Variants in CADPS2 observed in about 807,000 individuals in gnomAD.
CADPS2 encodes the protein calcium dependent secretion activator 2, also known as calcium-dependent secretion activator 2.
CADPS2 carries 93 observed loss-of-function variants against 172.5 expected under a neutral mutation model. The ratio of observed to expected loss-of-function variants is 0.54; its 90% confidence interval spans 0.46 to 0.64. The LOEUF is 0.64. Ranked by LOEUF, CADPS2 falls within the 30% of genes least tolerant of loss-of-function variation. CADPS2 has a pLI of 0.00. For missense variants in CADPS2, 1,420 were observed against 1,565.9 expected, an observed-to-expected ratio of 0.91 and a Z score of 1.57; for synonymous variants, 546 against 555.2, an observed-to-expected ratio of 0.98 and a Z score of 0.23.
intron 3 of CADPS2, among the ~76,000 whole-genome samples, chr7:122,645,725 CG>C (rs2078475364): frequency 7.4e-6 from 1 of 135,184 alleles, no homozygotes; most frequent in Non-Finnish European, 1.6e-5. Context: ...AAAAAAACTG[CG>C]GTAATAAAGA....
intron 2 of CADPS2, among the ~76,000 whole-genome samples, chr7:122,734,981 T>A (rs1307648816): frequency 6.6e-6 from 1 of 152,166 alleles, no homozygotes; most frequent in African/African-American, 2.4e-5. Context: ...TCTGTAAAAA[T>A]CCTAGCAGGT....
chr7:122,588,455 A>G (rs1409954310), intron 6 of CADPS2, among the ~76,000 whole-genome samples: 1 of 151,960 alleles, frequency 6.6e-6, no homozygotes, highest in Non-Finnish European at 1.5e-5. Context: ...TAAATAGGTA[A>G]TCCTTTCCCC....
At chr7:122,688,769 G>A (rs200914703) in intron 2 of CADPS2, among the ~76,000 whole-genome samples, 3 of 17,910 alleles carry the variant, frequency 1.7e-4, no homozygotes, top group South Asian at 2.4e-3. Context: ...TTGTGGTAAC[G>A]GGGAGTTATA....
intron 20 of CADPS2, among the ~76,000 whole-genome samples, chr7:122,399,047 C>T (rs937637555): frequency 6.6e-6 from 1 of 152,046 alleles, no homozygotes; most frequent in African/African-American, 2.4e-5. Context: ...CCTAAAACCA[C>T]ACCCAGTTCT....
At chr7:122,463,862 A>G (rs966161315) in intron 14 of CADPS2, among the ~76,000 whole-genome samples, 8 of 152,186 alleles carry the variant, frequency 5.3e-5, no homozygotes, top group African/African-American at 1.7e-4. Context: ...TCACTGTTGA[A>G]AAGATAAGTT....
chr7:122,593,761 A>C (rs2071289533), intron 6 of CADPS2, among the ~76,000 whole-genome samples: 1 of 152,130 alleles, frequency 6.6e-6, no homozygotes, highest in African/African-American at 2.4e-5. Flanking sequence ...ACGTCAACTA[A>C]CAGCAAAACA....
At chr7:122,464,193 C>A (rs2054841466) in intron 14 of CADPS2, among the ~76,000 whole-genome samples, 1 of 152,104 alleles carries the variant, frequency 6.6e-6, no homozygotes, top group South Asian at 2.1e-4. Context: ...TTGCCAGAAA[C>A]TAAGAAAGTG....
intron 11 of CADPS2, among the ~76,000 whole-genome samples, chr7:122,486,243 A>G (rs2057801689): frequency 6.6e-6 from 1 of 152,042 alleles, no homozygotes; most frequent in South Asian, 2.1e-4. Flanking sequence ...AGTAATTCCT[A>G]TGAGACATCT....
intron 7 of CADPS2, among the ~76,000 whole-genome samples, chr7:122,580,485 A>G (rs2068665048): frequency 1.3e-5 from 2 of 151,698 alleles, no homozygotes; most frequent in Admixed American, 1.3e-4. Flanking sequence ...AAAAATTCAC[A>G]TTACAGAAGA....
At chr7:122,500,843 T>C (rs1010173011) in intron 9 of CADPS2, among the ~76,000 whole-genome samples, 4 of 152,192 alleles carry the variant, frequency 2.6e-5, no homozygotes, top group African/African-American at 9.6e-5. Context: ...ATTTTATATA[T>C]TAGTACTTGG....
At chr7:122,349,384 T>C (rs2038188719) in intron 27 of CADPS2, among the ~76,000 whole-genome samples, 1 of 152,170 alleles carries the variant, frequency 6.6e-6, no homozygotes, top group African/African-American at 2.4e-5. Context: ...ATTTTTTTCA[T>C]ACTCCCATTT....
intron 2 of CADPS2, among the ~76,000 whole-genome samples, chr7:122,713,159 A>C (rs575546032): frequency 1.2e-4 from 19 of 152,110 alleles, no homozygotes; most frequent in Admixed American, 5.2e-4. Context: ...TTCAGATCTG[A>C]TGGAGCTTTA....
chr7:122,611,174 A>G (rs1256230100), intron 6 of CADPS2, among the ~76,000 whole-genome samples: 1 of 152,172 alleles, frequency 6.6e-6, no homozygotes, highest in Non-Finnish European at 1.5e-5. Context: ...ATGAGAGCAA[A>G]CTAAACCTAA....
intron 1 of CADPS2, among the ~76,000 whole-genome samples, chr7:122,777,730 G>C (rs2093929118): frequency 6.7e-6 from 1 of 150,264 alleles, no homozygotes; most frequent in Admixed American, 6.6e-5. Flanking sequence ...GCCACCTTGA[G>C]AAGAAGAGCA....
chr7:122,844,355 A>G (rs1348654982), intron 1 of CADPS2, among the ~76,000 whole-genome samples: 3 of 152,180 alleles, frequency 2.0e-5, no homozygotes, highest in Non-Finnish European at 4.4e-5. Flanking sequence ...TTGACTCCAA[A>G]TGAGATACTC....
intron 1 of CADPS2, among the ~76,000 whole-genome samples, chr7:122,823,132 A>AT (rs937085570): frequency 1.1e-4 from 16 of 152,260 alleles, no homozygotes; most frequent in African/African-American, 3.4e-4. Context: ...GTCTATTCAG[A>AT]TCTTTTGTAC....
chr7:122,350,444 TCTC>T (rs370297573), intron 27 of CADPS2, among the ~76,000 whole-genome samples: 158 of 152,324 alleles, frequency 1.0e-3, no homozygotes, highest in African/African-American at 3.7e-3. Flanking sequence ...TGAATAAAAA[TCTC>T]CTGAAATTTT....
intron 2 of CADPS2, among the ~76,000 whole-genome samples, chr7:122,704,992 A>C (rs1336761689): frequency 6.6e-6 from 1 of 152,072 alleles, no homozygotes; most frequent in East Asian, 1.9e-4. Context: ...CTAATGAAAC[A>C]GCCTGAGGAG....
chr7:122,435,527 C>A (rs934638216), intron 17 of CADPS2, among the ~76,000 whole-genome samples: 3 of 152,008 alleles, frequency 2.0e-5, no homozygotes, highest in Non-Finnish European at 4.4e-5. Flanking sequence ...ATAGCAAGTA[C>A]TGGCAAGGAT....
Sources: gnomAD v4.1 joint callset for allele counts (sites outside exome capture counted in the v4.1 genomes callset) on GRCh38, gnomAD v4.1.1 for gene constraint, MANE v1.5 for transcripts, NCBI Gene and HGNC (gene_info 2026-07-23, HGNC 2026-07-21) for gene names.